Variants in SLC35F1 observed in about 807,000 individuals in gnomAD.
SLC35F1 encodes the protein chromosome 6 open reading frame 169.
SLC35F1 carries 14 observed loss-of-function variants against 48.7 expected under a neutral mutation model. The ratio of observed to expected loss-of-function variants is 0.29; its 90% CI spans 0.19 to 0.45. SLC35F1 has a LOEUF of 0.45. SLC35F1 is among the 20% of genes least tolerant of loss of function. The pLI, the probability that SLC35F1 is intolerant of heterozygous loss-of-function variation, is 1.00. For missense variants in SLC35F1, 404 were observed against 500.0 expected (o/e 0.81, Z 1.83); for synonymous variants, 190 against 202.2 (o/e 0.94, Z 0.51).
chr6:118,073,231 G>A (rs974382924), intron 1 of SLC35F1, among the ~76,000 whole-genome samples: 2 of 152,176 alleles, frequency 1.3e-5, no homozygotes, highest in East Asian at 1.9e-4. Flanking sequence ...AGAAAAAAAT[G>A]TATGAAATAG....
intron 3 of SLC35F1, among the ~76,000 whole-genome samples, chr6:118,263,620 T>G (rs971703789): frequency 2.0e-5 from 3 of 152,192 alleles, no homozygotes; most frequent in Admixed American, 2.0e-4. Context: ...GATTCAGAGA[T>G]GTATGCAAAG....
intron 1 of SLC35F1, among the ~76,000 whole-genome samples, chr6:117,956,216 G>T (rs1275654801): frequency 6.6e-6 from 1 of 152,232 alleles, no homozygotes; most frequent in South Asian, 2.1e-4. Context: ...TCACAAACAG[G>T]TGTTGGCTTA....
At chr6:117,981,885 C>G (rs1290857861) in intron 1 of SLC35F1, among the ~76,000 whole-genome samples, 2 of 151,384 alleles carry the variant, frequency 1.3e-5, no homozygotes, top group African/African-American at 4.9e-5. Flanking sequence ...CTTATTTTTT[C>G]CCAAGAAATC....
chr6:118,017,210 G>T (rs1777333526), intron 1 of SLC35F1, among the ~76,000 whole-genome samples: 1 of 152,180 alleles, frequency 6.6e-6, no homozygotes, highest in African/African-American at 2.4e-5. Flanking sequence ...GCTACATTAG[G>T]ACTAATCCCT....
At chr6:117,913,907 T>C in intron 1 of SLC35F1, among the ~76,000 whole-genome samples, 1 of 151,946 alleles carries the variant, frequency 6.6e-6, no homozygotes, top group East Asian at 1.9e-4. Flanking sequence ...AAAAATTATC[T>C]GGGCGTGGTG....
intron 1 of SLC35F1, among the ~76,000 whole-genome samples, chr6:117,923,843 T>TATACACATAC (rs1416022059): frequency 1.6e-4 from 15 of 95,064 alleles, no homozygotes; most frequent in African/African-American, 7.4e-4. Context: ...ACACATTACA[T>TATACACATAC]ATATGCACAT....
chr6:118,170,856 A>G (rs532741082), intron 2 of SLC35F1, among the ~76,000 whole-genome samples: 1 of 152,294 alleles, frequency 6.6e-6, no homozygotes, highest in South Asian at 2.1e-4. Context: ...TAATTTTTTT[A>G]AAGTAATAGT....
intron 1 of SLC35F1, among the ~76,000 whole-genome samples, chr6:117,968,485 G>C (rs561096405): frequency 4.6e-5 from 7 of 152,274 alleles, no homozygotes; most frequent in African/African-American, 1.7e-4. Context: ...GTAAAACCTT[G>C]CTTCAAAGAA....
At chr6:117,973,449 G>T (rs1352764887) in intron 1 of SLC35F1, among the ~76,000 whole-genome samples, 1 of 152,098 alleles carries the variant, frequency 6.6e-6, no homozygotes, top group Non-Finnish European at 1.5e-5. Context: ...GTTACTGAAG[G>T]TTCGTAGACA....
intron 1 of SLC35F1, among the ~76,000 whole-genome samples, chr6:118,142,378 C>T (rs1350346669): frequency 3.3e-5 from 5 of 152,094 alleles, no homozygotes; most frequent in African/African-American, 1.2e-4. Context: ...AGTCTTTAAA[C>T]ATTCTCCTTA....
At chr6:117,985,326 A>G (rs1376048854) in intron 1 of SLC35F1, among the ~76,000 whole-genome samples, 2 of 152,184 alleles carry the variant, frequency 1.3e-5, no homozygotes, top group Non-Finnish European at 2.9e-5. Flanking sequence ...TTGAGCAGGG[A>G]TGGTACTCAT....
Position 118,303,088 on chromosome 6 carries a change from C to G in SLC35F1, c.1003-10940C>G, listed in dbSNP as rs544025634. On this transcript the variant is annotated intron_variant, in intron 7 of 7. Transcript: ENST00000360388. The stretch of plus-strand genomic sequence containing the variant: ...TCATCTACTTATTTCATTTTTTTGT[C>G]TTTCTTGCCACCACCAGGTACATGA... 6.0e-5 allele frequency among the ~76,000 whole-genome samples: 9 copies of G among 150,938 alleles called. No homozygotes were observed. In the East Asian group the frequency reaches 1.4e-3, roughly 23 times the overall value.
At chr6:118,163,203 A>G (rs1387922455) in intron 2 of SLC35F1, among the ~76,000 whole-genome samples, 1 of 151,902 alleles carries the variant, frequency 6.6e-6, no homozygotes, top group Non-Finnish European at 1.5e-5. Context: ...ACCTCAAATG[A>G]TCCACCCACC....
chr6:118,221,983 G>T (rs79280259), intron 2 of SLC35F1, among the ~76,000 whole-genome samples: 1 of 133,784 alleles, frequency 7.5e-6, no homozygotes, highest in Non-Finnish European at 1.6e-5. Context: ...TAGTTTTTTT[G>T]GGTCAGAATG....
chr6:118,169,336 T>C (rs1452440316), intron 2 of SLC35F1, among the ~76,000 whole-genome samples: 1 of 152,170 alleles, frequency 6.6e-6, no homozygotes, highest in Non-Finnish European at 1.5e-5. Flanking sequence ...AGAGAAGGTC[T>C]CTACAACCCC....
chr6:118,082,205 A>C (rs1772921583), intron 1 of SLC35F1, among the ~76,000 whole-genome samples: 1 of 152,200 alleles, frequency 6.6e-6, no homozygotes, highest in Non-Finnish European at 1.5e-5. Flanking sequence ...TTAAAAAACC[A>C]AGTAGGTGAT....
intron 1 of SLC35F1, among the ~76,000 whole-genome samples, chr6:118,073,690 A>C (rs1193848795): frequency 6.6e-6 from 1 of 152,164 alleles, no homozygotes; most frequent in African/African-American, 2.4e-5. Context: ...GAACAGATAC[A>C]TGTTATTTTT....
At chr6:118,156,491 A>G (rs904778666) in intron 2 of SLC35F1, among the ~76,000 whole-genome samples, 5 of 152,130 alleles carry the variant, frequency 3.3e-5, no homozygotes, top group African/African-American at 9.6e-5. Flanking sequence ...ACTTGGACAC[A>G]GGGTGGGGAA....
chr6:117,977,433 A>G (rs868410701), intron 1 of SLC35F1, among the ~76,000 whole-genome samples: 1 of 152,118 alleles, frequency 6.6e-6, no homozygotes, highest in Non-Finnish European at 1.5e-5. Flanking sequence ...TAAATATTTT[A>G]ATTTAAAAAA....
Sources: gnomAD v4.1 joint callset for allele counts (sites outside exome capture counted in the v4.1 genomes callset) on GRCh38, gnomAD v4.1.1 for gene constraint, MANE v1.5 for transcripts, NCBI Gene and HGNC (gene_info 2026-07-23, HGNC 2026-07-21) for gene names.